Variants in CDH11 observed in about 807,000 individuals in gnomAD.
CDH11 encodes the protein cadherin-11.
CDH11 carries 11 observed loss-of-function variants against 67.8 expected under a neutral mutation model. The observed-to-expected ratio is 0.16, with a 90% CI of 0.10 to 0.27. The LOEUF is 0.27. Among genes scored for constraint, CDH11 ranks in the 10% least tolerant of loss-of-function variants. The pLI, the probability that CDH11 is intolerant of heterozygous loss-of-function variation, is 1.00. For missense variants in CDH11, 847 were observed against 1,031.2 expected, an observed-to-expected ratio of 0.82 and a Z score of 2.45; for synonymous variants, 419 against 400.0, an observed-to-expected ratio of 1.05 and a Z score of -0.57.
chr16:65,040,327 G>A (rs375463853), intron 2 of CDH11, among the ~76,000 whole-genome samples: 13 of 152,220 alleles, frequency 8.5e-5, no homozygotes, highest in Admixed American at 3.3e-4. Context: ...AATGATAGAC[G>A]GGATTAAGAA....
chr16:64,958,181 A>G (rs2071570613), intron 11 of CDH11, among the ~76,000 whole-genome samples: 1 of 152,190 alleles, frequency 6.6e-6, no homozygotes, highest in South Asian at 2.1e-4. Context: ...GCATTTAGGC[A>G]TTTAGCACTG....
intron 4 of CDH11, among the ~76,000 whole-genome samples, chr16:64,995,637 G>T (rs991481758): frequency 6.6e-6 from 1 of 152,052 alleles, no homozygotes; most frequent in African/African-American, 2.4e-5. Context: ...AACTATAAAT[G>T]CCCTAGAGAA....
intron 11 of CDH11, among the ~76,000 whole-genome samples, chr16:64,959,512 T>G (rs1304218078): frequency 7.2e-5 from 11 of 152,208 alleles, no homozygotes. Flanking sequence ...GAAAGAGTGA[T>G]GTCTGATCTA....
rs564023138 is a variant in CDH11, at chr16:65,055,732, T to C, written c.-297-1804A>G. Among the ~76,000 whole-genome samples, 151 of 152,280 alleles carry C rather than the reference T, an allele frequency of 9.9e-4. 2 individuals carry two copies. Among genetic ancestry groups the C allele is most frequent in the Non-Finnish European group, 1.7e-3 (118 of 68,020 alleles). On this transcript the variant is annotated intron_variant, in intron 1 of 12. Coordinates refer to ENST00000268603, the MANE Select transcript of CDH11 (RefSeq NM_001797.4). Reference sequence around the variant, plus strand: ...AAGTTAAGATTTTGGAGGCTGCTGGTATAGAATGAATGTATTTTGCATGCA... The same window carrying C: ...AAGTTAAGATTTTGGAGGCTGCTGGCATAGAATGAATGTATTTTGCATGCA...
intron 2 of CDH11, among the ~76,000 whole-genome samples, chr16:65,020,980 AT>A (rs200624560): frequency 3.6e-3 from 522 of 144,724 alleles, no homozygotes; most frequent in East Asian, 0.026. Context: ...CAAGAATTCC[AT>A]TTTTTTTTTT....
chr16:65,122,119 G>A, upstream of CDH11: 3 of 521,826 alleles, frequency 5.7e-6, no homozygotes, highest in Non-Finnish European at 1.0e-5. Flanking sequence ...GTGGCGGGCG[G>A]GCAGGCGGGT....
intron 3 of CDH11, among the ~76,000 whole-genome samples, chr16:64,999,119 T>C (rs1372548508): frequency 1.3e-5 from 2 of 152,206 alleles, no homozygotes; most frequent in Non-Finnish European, 2.9e-5. Flanking sequence ...CCTCTCTCCA[T>C]ATATATGCGC....
In CDH11 at chr16:65,060,881, C is replaced by T. The variant is rs79689752; in HGVS notation, c.-297-6953G>A. On this transcript the variant is annotated intron_variant, in intron 1 of 12. Transcript: ENST00000268603. ...TGCCCACATTCCACATTTATTAACACAGCTTATGCATCTGACTCCTGTCTG... is the reference window on the plus strand; with the variant it reads ...TGCCCACATTCCACATTTATTAACATAGCTTATGCATCTGACTCCTGTCTG... Among the ~76,000 whole-genome samples, 821 of 152,280 alleles carry T rather than the reference C, an allele frequency of 5.4e-3. 10 individuals are homozygous for T. Among genetic ancestry groups the T allele is most frequent in the African/African-American group, 0.019 (777 of 41,546 alleles).
intron 11 of CDH11, among the ~76,000 whole-genome samples, chr16:64,967,600 A>C (rs914242745): frequency 6.6e-6 from 1 of 152,248 alleles, no homozygotes; most frequent in African/African-American, 2.4e-5. Context: ...GTAGAAAGAC[A>C]ACTTGAAAAT....
At chr16:65,037,343 ATGT>A (rs2073773065) in intron 2 of CDH11, among the ~76,000 whole-genome samples, 1 of 152,126 alleles carries the variant, frequency 6.6e-6, no homozygotes, top group South Asian at 2.1e-4. Context: ...ACTCCAGCAC[ATGT>A]TGTAAAATTC....
chr16:65,048,090 G>C (rs576053781), intron 2 of CDH11, among the ~76,000 whole-genome samples: 2 of 152,292 alleles, frequency 1.3e-5, no homozygotes, highest in Non-Finnish European at 2.9e-5. Context: ...CCAGCACCTA[G>C]TCCAAAGCCT....
chr16:64,980,074 G>A (rs970186439), intron 8 of CDH11, among the ~76,000 whole-genome samples: 7 of 152,162 alleles, frequency 4.6e-5, no homozygotes, highest in African/African-American at 1.2e-4. Flanking sequence ...CAGGAGAAAC[G>A]GGGAGTGACT....
chr16:64,950,360 C>T (rs989034278), intron 12 of CDH11, among the ~76,000 whole-genome samples: 1 of 152,066 alleles, frequency 6.6e-6, no homozygotes, highest in African/African-American at 2.4e-5. Context: ...GCCTAATGTC[C>T]CTAAGCCTTA....
intron 1 of CDH11, among the ~76,000 whole-genome samples, chr16:65,078,549 G>T (rs2074555898): frequency 6.6e-6 from 1 of 152,144 alleles, no homozygotes; most frequent in African/African-American, 2.4e-5. Flanking sequence ...CCATCACACT[G>T]CAAGAAGCTG....
chr16:64,995,587 T>TGATTTAAAGATTTAAATG, intron 4 of CDH11, among the ~76,000 whole-genome samples: 1 of 152,176 alleles, frequency 6.6e-6, no homozygotes, highest in South Asian at 2.1e-4. Context: ...TATACAAAAA[T>TGATTTAAAGATTTAAATG]TAACTCAGGA....
At chr16:65,016,720 A>G (rs1398446587) in intron 2 of CDH11, among the ~76,000 whole-genome samples, 2 of 152,338 alleles carry the variant, frequency 1.3e-5, no homozygotes, top group South Asian at 2.1e-4. Flanking sequence ...TTCAAGAGCA[A>G]TCCCAGACAG....
chr16:64,970,688 C>T (rs1165407957), intron 11 of CDH11, among the ~76,000 whole-genome samples: 2 of 152,168 alleles, frequency 1.3e-5, no homozygotes, highest in East Asian at 3.9e-4. Context: ...TTCTCAGTCG[C>T]AGGGAAAGCA....
chr16:65,084,236 C>A (rs965676308), intron 1 of CDH11, among the ~76,000 whole-genome samples: 3 of 152,162 alleles, frequency 2.0e-5, no homozygotes, highest in Non-Finnish European at 4.4e-5. Flanking sequence ...CATCTCTAAT[C>A]CCTGCACTTT....
At chr16:65,113,718 G>A (rs2075198207) in intron 1 of CDH11, among the ~76,000 whole-genome samples, 1 of 152,138 alleles carries the variant, frequency 6.6e-6, no homozygotes, top group Non-Finnish European at 1.5e-5. Context: ...GGTGGGAGCA[G>A]CCTGATATGG....
Sources: allele counts gnomAD v4.1 joint callset (sites outside exome capture counted in the v4.1 genomes callset), GRCh38; gene constraint gnomAD v4.1.1; transcripts MANE v1.5; gene names NCBI Gene and HGNC (gene_info 2026-07-23, HGNC 2026-07-21).